ITGA8: variants seen among roughly 807,000 people sequenced by gnomAD.
ITGA8 encodes the protein integrin alpha-8.
In ITGA8, 91 loss-of-function variants were observed where a neutral mutation model predicts 142.3. That is an observed-to-expected ratio of 0.64 (90% CI 0.54 to 0.76). The LOEUF (loss-of-function observed/expected upper bound fraction) is 0.76, where lower values mean the gene tolerates loss of function less well. Ranked by LOEUF, ITGA8 falls within the 30% of genes least tolerant of loss-of-function variation. The pLI is 0.00. For missense variants in ITGA8, 1,406 were observed against 1,327.7 expected, an observed-to-expected ratio of 1.06 and a Z score of -0.92; for synonymous variants, 505 against 485.2, an observed-to-expected ratio of 1.04 and a Z score of -0.54.
chr10:15,719,053 C>T (rs559769464), intron 1 of ITGA8, among the ~76,000 whole-genome samples, 154 bp from the exon 2 acceptor site: 54 of 151,964 alleles, frequency 3.6e-4, no homozygotes, highest in African/African-American at 1.3e-3. Context: ...TTGATTTCCT[C>T]TTGGAAACGG....
chr10:15,661,095 G>A (rs1318392470), intron 8 of ITGA8, among the ~76,000 whole-genome samples, 173 bp from the exon 9 acceptor site: 2 of 152,170 alleles, frequency 1.3e-5, no homozygotes, highest in Non-Finnish European at 2.9e-5. Flanking sequence ...TGGCCTGTTG[G>A]GAGCCCGGCC....
chr10:15,715,787 G>A (rs1050034475), intron 2 of ITGA8, among the ~76,000 whole-genome samples: 7 of 152,200 alleles, frequency 4.6e-5, no homozygotes, highest in Admixed American at 2.6e-4. Flanking sequence ...AGCTACACTG[G>A]CATCTGCTGT....
chr10:15,528,014 C>G (rs1486157334), intron 28 of ITGA8, among the ~76,000 whole-genome samples: 1 of 147,044 alleles, frequency 6.8e-6, no homozygotes, highest in East Asian at 2.1e-4. Context: ...CTCTCAGGCT[C>G]AAGCAATCCT....
At chr10:15,586,116 T>G (rs1458608957) in intron 23 of ITGA8, among the ~76,000 whole-genome samples, 1 of 136,662 alleles carries the variant, frequency 7.3e-6, no homozygotes, top group Non-Finnish European at 1.5e-5. Context: ...TGGAGTGCAA[T>G]GGCACGATCT....
rs1833989172 is a variant in ITGA8, at chr10:15,646,848, T to C, written c.1205A>G (p.Asn402Ser). The C allele has an allele frequency of 2.5e-6, 4 of 1,613,246 alleles. No individual in the cohort carries two copies. The highest frequency in any genetic ancestry group is 2.2e-5 in the East Asian group (1 of 44,870). The change falls in exon 12 of 30, where the codon AAT becomes AGT. Residue 402 changes from asparagine (N) to serine (S), a missense_variant and splice_region_variant. Physicochemically the swap from Asn to Ser is conservative, Grantham distance 46. Coordinates refer to ENST00000378076, the MANE Select transcript of ITGA8 (RefSeq NM_003638.3). ...HLGDLNQDGY[N>S]DIAIGVPFAG... The stretch of plus-strand genomic sequence containing the variant: ...TTCCACGCTTTGGTTTAAATTACCA[T>C]TGTATCCATCTTGGTTCAGGTCTCC...
At chr10:15,667,561 G>C (rs971141291) in intron 8 of ITGA8, among the ~76,000 whole-genome samples, 8 of 152,104 alleles carry the variant, frequency 5.3e-5, no homozygotes, top group South Asian at 2.1e-4. Flanking sequence ...CTTCTGCTAG[G>C]TTTTGAATGT....
chr10:15,613,012 T>G (rs1465721945), intron 15 of ITGA8, among the ~76,000 whole-genome samples: 1 of 151,976 alleles, frequency 6.6e-6, no homozygotes, highest in African/African-American at 2.4e-5. Flanking sequence ...AATACAAAAA[T>G]TAGCTGGGAA....
chr10:15,701,132 C>T (rs1308355363), intron 2 of ITGA8, among the ~76,000 whole-genome samples: 1 of 151,942 alleles, frequency 6.6e-6, no homozygotes, highest in Admixed American at 6.6e-5. Context: ...CAGTATGATC[C>T]CACTTTTCTT....
chr10:15,583,283 T>G (rs535960601), intron 23 of ITGA8, among the ~76,000 whole-genome samples: 1 of 152,192 alleles, frequency 6.6e-6, no homozygotes, highest in African/African-American at 2.4e-5. Flanking sequence ...AAACACCACA[T>G]GTTCTCACTC....
intron 2 of ITGA8, among the ~76,000 whole-genome samples, chr10:15,710,248 T>A (rs1250914009): frequency 6.6e-6 from 1 of 152,250 alleles, no homozygotes; most frequent in Non-Finnish European, 1.5e-5. Flanking sequence ...TTGACTTTTA[T>A]GTTTTTTATT....
At chr10:15,555,759 G>A (rs1295832227) in intron 26 of ITGA8, among the ~76,000 whole-genome samples, 12 of 151,230 alleles carry the variant, frequency 7.9e-5, no homozygotes, top group African/African-American at 2.9e-4. Context: ...GCAGTGGCGC[G>A]ATCTCGGCTC....
intron 13 of ITGA8, among the ~76,000 whole-genome samples, chr10:15,641,114 C>T (rs1033180676): frequency 1.2e-4 from 18 of 152,066 alleles, no homozygotes; most frequent in Non-Finnish European, 7.4e-5. Flanking sequence ...AGTGCAGTGG[C>T]GCGATATCGG....
Position 15,645,545 on chromosome 10 carries a change from C to T in ITGA8, c.1207+1301G>A, listed in dbSNP as rs546683647. Among the ~76,000 whole-genome samples the T allele has an allele frequency of 2.0e-5, 3 of 152,222 alleles. No individual in the cohort carries two copies. In the South Asian group the frequency reaches 6.2e-4, roughly 32 times the overall value. On this transcript the variant is annotated intron_variant, in intron 12 of 29. Coordinates refer to ENST00000378076, the MANE Select transcript of ITGA8 (RefSeq NM_003638.3). Reference sequence around the variant, plus strand: ...TTTCCCTGGAACCATAAGCTTTTTACATGTACTTTGTTTTATGATACTTTA... The same window carrying T: ...TTTCCCTGGAACCATAAGCTTTTTATATGTACTTTGTTTTATGATACTTTA...
intron 25 of ITGA8, among the ~76,000 whole-genome samples, chr10:15,561,828 T>G (rs1833987855): frequency 6.6e-6 from 1 of 152,162 alleles, no homozygotes; most frequent in African/African-American, 2.4e-5. Flanking sequence ...TGTCCAAGAC[T>G]GGGTAATTTA....
intron 15 of ITGA8, among the ~76,000 whole-genome samples, chr10:15,609,495 C>T (rs1833254239): frequency 2.0e-5 from 3 of 152,184 alleles, no homozygotes; most frequent in Admixed American, 2.0e-4. Context: ...AATGTCTCCC[C>T]TCAGGGTAAA....
At chr10:15,633,673 GC>G (rs1833722020) in intron 13 of ITGA8, among the ~76,000 whole-genome samples, 1 of 152,106 alleles carries the variant, frequency 6.6e-6, no homozygotes, top group Admixed American at 6.5e-5. Flanking sequence ...GCCCACCTCA[GC>G]CTTCCAAAGT....
At position 15,558,268 on chromosome 10, in the gene ITGA8, C is replaced by T; in HGVS notation, c.2638-66G>A. 1.9e-6 allele frequency: 3 copies of T among 1,586,834 alleles called. No homozygotes were observed. The South Asian group carries it at 3.4e-5, about 18-fold the overall frequency. On this transcript the variant is annotated intron_variant, in intron 25 of 29. Transcript: ENST00000378076. ...GAACAGTTGCTACATTTTCTTTAGC[C>T]TTGAACTCTAGGCAATTTTTTTTTC...
intron 11 of ITGA8, among the ~76,000 whole-genome samples, chr10:15,655,095 C>T (rs1588701534): frequency 6.6e-6 from 1 of 152,078 alleles, no homozygotes; most frequent in South Asian, 2.1e-4. Context: ...TGGCTGAAGA[C>T]TATAAAATTA....
chr10:15,587,134 G>A lies in ITGA8; in HGVS notation c.2292-470C>T, dbSNP rs182734761. ...GACGGGGTTTCACCATGTTGGCCAG[G>A]ATGGTCTCTATCTCTTGACCTCATG... On this transcript the variant is annotated intron_variant, in intron 22 of 29. Transcript: ENST00000378076. Among the ~76,000 whole-genome samples, 159 of 152,134 alleles carry A rather than the reference G, an allele frequency of 1.0e-3. 1 individual carries two copies. The highest frequency in any genetic ancestry group is 3.7e-3 in the African/African-American group (154 of 41,496).
Sources: gnomAD v4.1 joint callset for allele counts (sites outside exome capture counted in the v4.1 genomes callset) on GRCh38, gnomAD v4.1.1 for gene constraint, MANE v1.5 for transcripts, NCBI Gene and HGNC (gene_info 2026-07-23, HGNC 2026-07-21) for gene names.